PCNX1: variants seen among roughly 807,000 people sequenced by gnomAD.
PCNX1 encodes the protein pecanex 1.
Under a neutral mutation model 242.2 loss-of-function variants are expected in PCNX1, and 78 were observed. That is an observed-to-expected ratio of 0.32 (90% CI 0.27 to 0.39). The LOEUF is 0.39. Ranked by LOEUF, PCNX1 falls within the 10% of genes least tolerant of loss-of-function variation. PCNX1 has a pLI of 1.00. For synonymous variants in PCNX1, 1,024 were observed against 1,032.9 expected (o/e 0.99, Z 0.17); for missense variants, 2,581 against 2,856.5 (o/e 0.90, Z 2.20).
rs769609614 is a variant in PCNX1, at chr14:71,050,697, G to T, written c.4384G>T (p.Ala1462Ser). 1.6e-5 allele frequency: 25 copies of T among 1,610,672 alleles called. No homozygotes were observed. The highest frequency in any genetic ancestry group is 2.0e-5 in the Non-Finnish European group (24 of 1,178,052). The part of the protein sequence containing the change: ...YKLQFVYTYI[A>S]PWQITWGSAF... ...ATTGCAGTTTGTGTATACCTATATT[G>T]CCCCATGGCAGATCACATGGGGTTC... Residue 1462 changes from alanine to serine, a missense_variant, in exon 23 of 36, where the codon GCC (alanine) becomes TCC (serine). Physicochemically the swap from Ala to Ser is moderately conservative, Grantham distance 99 (BLOSUM62 1). This residue lies in a region of PCNX1 where 99 missense variants were observed against 147.3 expected (regional missense o/e 0.67). Coordinates refer to ENST00000304743, the MANE Select transcript of PCNX1 (RefSeq NM_014982.3).
Position 70,977,109 on chromosome 14 carries a change from G to A in PCNX1, c.772G>A (p.Ala258Thr), listed in dbSNP as rs151313378. 871 of 1,614,154 alleles carry A rather than the reference G, an allele frequency of 5.4e-4. No homozygotes were observed. Among genetic ancestry groups the A allele is most frequent in the Non-Finnish European group, 6.3e-4 (743 of 1,180,028 alleles). The change falls in exon 6 of 36, where the codon GCC becomes ACC. Residue 258 changes from alanine (A) to threonine (T), a missense_variant. Around this residue, in one of 9 missense-constraint regions of PCNX1, gnomAD observed 1,204 missense variants for 1,216.7 expected, o/e 0.99. Coordinates refer to ENST00000304743, the MANE Select transcript of PCNX1 (RefSeq NM_014982.3). Reference protein sequence around the residue: ...HHHVDQSLSSACDTEVASLVP... With the variant: ...HHHVDQSLSSTCDTEVASLVP... ...CCATGTTGATCAGTCTCTGTCCAGCGCCTGTGACACAGAAGTAGCTTCTCT... is the reference window on the plus strand; with the variant it reads ...CCATGTTGATCAGTCTCTGTCCAGCACCTGTGACACAGAAGTAGCTTCTCT...
chr14:71,068,705 A>G (rs2061518203), intron 26 of PCNX1, among the ~76,000 whole-genome samples: 1 of 136,692 alleles, frequency 7.3e-6, no homozygotes, highest in African/African-American at 3.0e-5. Context: ...ATATACATGC[A>G]TATATGTATG....
chr14:71,069,975 G>A (rs892658415), intron 26 of PCNX1, among the ~76,000 whole-genome samples: 2 of 152,170 alleles, frequency 1.3e-5, no homozygotes, highest in African/African-American at 4.8e-5. Context: ...CAAAATTGGA[G>A]TCAGTGCTCT....
intron 19 of PCNX1, chr14:71,044,412 G>T (rs2060800176): frequency 6.6e-6 from 1 of 152,310 alleles, no homozygotes; most frequent in Admixed American, 6.5e-5. Flanking sequence ...GGATATGGCA[G>T]CTCAGATGGC....
chr14:71,079,121 T>A (rs2141506196), intron 28 of PCNX1, among the ~76,000 whole-genome samples: 1 of 152,334 alleles, frequency 6.6e-6, no homozygotes, highest in South Asian at 2.1e-4. Flanking sequence ...GTCCCTGTGT[T>A]AGTTTGCTAA....
intron 8 of PCNX1, among the ~76,000 whole-genome samples, chr14:71,000,476 T>A (rs545058098): frequency 6.6e-6 from 1 of 152,290 alleles, no homozygotes; most frequent in South Asian, 2.1e-4. Context: ...GTATCTTGCT[T>A]TTTTCACTTA....
intron 1 of PCNX1, among the ~76,000 whole-genome samples, chr14:70,946,549 AAG>A (rs1490807238): frequency 1.3e-5 from 2 of 152,280 alleles, no homozygotes; most frequent in African/African-American, 4.8e-5. Flanking sequence ...ATTAAATAAA[AAG>A]AAACACATGA....
At chr14:70,969,826 A>G (rs2058488120) in intron 5 of PCNX1, 1 of 151,940 alleles carries the variant, frequency 6.6e-6, no homozygotes, top group Non-Finnish European at 1.5e-5. Flanking sequence ...TATAAAAATT[A>G]TCCAGGGTAA....
chr14:71,007,466 T>C (rs907806161), intron 8 of PCNX1, among the ~76,000 whole-genome samples: 7 of 152,156 alleles, frequency 4.6e-5, no homozygotes, highest in African/African-American at 1.7e-4. Context: ...TTAAGTTCTA[T>C]TGAATACAGA....
At position 71,053,217 on chromosome 14, in the gene PCNX1, G is replaced by A. The variant is rs2061086984; in HGVS notation, c.4577+1205G>A. On this transcript the variant is annotated intron_variant, in intron 24 of 35. Coordinates refer to ENST00000304743, the MANE Select transcript of PCNX1 (RefSeq NM_014982.3). ...TAGCCCAAAGTAATGTTCAGTGGCT[G>A]CAGTTCTTAACTTTTTGGATTTAGA... 3 of 449,888 alleles carry A rather than the reference G, an allele frequency of 6.7e-6. No homozygotes were observed. In the Admixed American group the frequency reaches 7.2e-5, roughly 11 times the overall value. 27.9% of individuals were successfully genotyped at this position (449,888 alleles called of 1,614,324 possible). A position where few individuals can be genotyped will look rare whatever the true frequency, so the allele number is the denominator to read the frequency against.
At chr14:71,089,369 A>G (rs777978244) in intron 30 of PCNX1, 27 bp downstream of exon 30, 1 of 1,560,424 alleles carries the variant, frequency 6.4e-7, no homozygotes, top group Non-Finnish European at 8.8e-7. Context: ...TTTCTAATTC[A>G]TTACTGGTGT....
chr14:71,048,110 G>A (rs1370700255), intron 22 of PCNX1, 126 bp downstream of exon 22: 1 of 564,714 alleles, frequency 1.8e-6, no homozygotes, highest in Non-Finnish European at 3.0e-6. Flanking sequence ...TCTTCAACCA[G>A]TTATTTAGGA....
At chr14:71,050,069 C>T (rs544020317) in intron 22 of PCNX1, among the ~76,000 whole-genome samples, 1 of 152,218 alleles carries the variant, frequency 6.6e-6, no homozygotes, top group Non-Finnish European at 1.5e-5. Flanking sequence ...ACATTTAAAA[C>T]ATAGTTTCCA....
At chr14:70,934,746 A>G (rs2056934266) in intron 1 of PCNX1, among the ~76,000 whole-genome samples, 1 of 152,252 alleles carries the variant, frequency 6.6e-6, no homozygotes, top group African/African-American at 2.4e-5. Context: ...AGAAACACAA[A>G]GTAGGTGGTG....
At chr14:70,964,931 A>G (rs2058332425) in intron 3 of PCNX1, among the ~76,000 whole-genome samples, 1 of 152,234 alleles carries the variant, frequency 6.6e-6, no homozygotes, top group Non-Finnish European at 1.5e-5. Flanking sequence ...GAGAAGCTGA[A>G]GTGAGGAGGA....
rs2055623170 is a variant in PCNX1 at position 70,907,803 on chromosome 14, C to T, written c.-48C>T. 1.6e-6 allele frequency: 2 copies of T among 1,220,422 alleles called. No individual in the cohort carries two copies. The highest frequency in any genetic ancestry group is 3.6e-5 in the East Asian group (1 of 28,156). 75.6% of individuals were successfully genotyped at this position (1,220,422 alleles called of 1,614,324 possible). ...GACCGAGGCCGAGCTGGGGCCGGGG[C>T]GGGGACGGCGGCGGCGGCGGCGGCG... On this transcript the variant is annotated 5_prime_UTR_variant, in exon 1 of 36. Transcript: ENST00000304743.
intron 11 of PCNX1, among the ~76,000 whole-genome samples, chr14:71,015,431 A>G (rs2059936319): frequency 1.3e-5 from 2 of 152,256 alleles, no homozygotes; most frequent in South Asian, 4.1e-4. Context: ...CAGAGGGGAC[A>G]AATAAAAGCA....
chr14:70,984,987 CCT>C (rs2058955843), intron 6 of PCNX1, among the ~76,000 whole-genome samples: 1 of 152,076 alleles, frequency 6.6e-6, no homozygotes, highest in Non-Finnish European at 1.5e-5. Context: ...TGAAGTAACT[CCT>C]GAGGTGGGAG....
At position 70,948,637 on chromosome 14, in the gene PCNX1, G is replaced by A. The variant is rs2057562704; in HGVS notation, c.362+1514G>A. On this transcript the variant is annotated intron_variant, in intron 2 of 35. Transcript: ENST00000304743. ...TGTGTATATATACACATATATAGTT[G>A]TGTATATATAGATGTGTATATATAC... Among the ~76,000 whole-genome samples, 5 of 149,560 alleles carry A rather than the reference G, an allele frequency of 3.3e-5. No homozygotes were observed. In the South Asian group the frequency reaches 6.4e-4, roughly 19 times the overall value.
Sources: gnomAD v4.1 joint callset for allele counts (sites outside exome capture counted in the v4.1 genomes callset) on GRCh38, gnomAD v4.1.1 for gene constraint, gnomAD v4.1.1 regional missense constraint, MANE v1.5 for transcripts, NCBI Gene and HGNC (gene_info 2026-07-23, HGNC 2026-07-21) for gene names.